The following MUSK variants were observed in gnomAD, a reference collection of about 807,000 sequenced individuals.
MUSK encodes muscle associated receptor tyrosine kinase.
MUSK carries 55 observed loss-of-function variants against 88.7 expected under a neutral mutation model. The observed-to-expected ratio is 0.62, with a 90% CI of 0.50 to 0.78. The LOEUF is 0.78. Ranked by LOEUF, MUSK falls within the 30% of genes least tolerant of loss-of-function variation. MUSK has a pLI of 0.00. For synonymous variants in MUSK, 387 were observed against 391.9 expected (o/e 0.99, Z 0.15); for missense variants, 1,015 against 1,074.3 (o/e 0.94, Z 0.77).
intron 6 of MUSK, among the ~76,000 whole-genome samples, chr9:110,742,282 C>T (rs1016528806): frequency 2.6e-5 from 4 of 151,918 alleles, no homozygotes; most frequent in East Asian, 1.9e-4. Flanking sequence ...GTGAAAACCT[C>T]GTATCTACTA....
intron 1 of MUSK, among the ~76,000 whole-genome samples, chr9:110,677,716 G>A (rs2076049577): frequency 6.6e-6 from 1 of 151,592 alleles, no homozygotes; most frequent in African/African-American, 2.4e-5. Flanking sequence ...GTATTGTGTA[G>A]TTTTTTTTTA....
chr9:110,709,825 A>G (rs1484071558), intron 5 of MUSK, among the ~76,000 whole-genome samples: 2 of 152,174 alleles, frequency 1.3e-5, no homozygotes, highest in Admixed American at 1.3e-4. Context: ...CCAAAGTCAT[A>G]TAGTTCAATT....
At chr9:110,692,853 G>GAA (rs140026732) in intron 3 of MUSK, among the ~76,000 whole-genome samples, 1 of 150,140 alleles carries the variant, frequency 6.7e-6, no homozygotes, top group Non-Finnish European at 1.5e-5. Flanking sequence ...ATTTCCTTCA[G>GAA]AAAAAAAAAA....
intron 5 of MUSK, among the ~76,000 whole-genome samples, chr9:110,706,703 T>C (rs1419022879): frequency 6.6e-6 from 1 of 152,120 alleles, no homozygotes; most frequent in East Asian, 1.9e-4. Context: ...TATGCCCCCT[T>C]TAAAACGCTA....
intron 7 of MUSK, among the ~76,000 whole-genome samples, chr9:110,753,062 ACAG>A (rs1222369009): frequency 1.3e-5 from 2 of 152,158 alleles, no homozygotes; most frequent in African/African-American, 4.8e-5. Flanking sequence ...AGAAAGCAAG[ACAG>A]CCTATGATAC....
At chr9:110,782,705 T>C (rs1362636470) in intron 11 of MUSK, among the ~76,000 whole-genome samples, 1 of 152,142 alleles carries the variant, frequency 6.6e-6, no homozygotes, top group African/African-American at 2.4e-5. Flanking sequence ...AGCCACCCCC[T>C]ACCACCACCA....
intron 1 of MUSK, among the ~76,000 whole-genome samples, chr9:110,681,093 AT>A (rs1564209822): frequency 1.0e-4 from 1 of 9,854 alleles, no homozygotes; most frequent in Admixed American, 9.0e-4. Flanking sequence ...TATAATATAT[AT>A]TATATAATAT....
intron 5 of MUSK, 52 bp from the exon 6 acceptor site, chr9:110,734,199 G>C: frequency 1.3e-6 from 2 of 1,565,156 alleles, no homozygotes; most frequent in Non-Finnish European, 1.7e-6. Flanking sequence ...GACCACCCTA[G>C]CTTGACCATT....
chr9:110,719,434 C>T (rs543042592), intron 5 of MUSK, among the ~76,000 whole-genome samples: 6 of 151,946 alleles, frequency 3.9e-5, no homozygotes, highest in African/African-American at 7.2e-5. Flanking sequence ...GAGCAGGAGT[C>T]GCTATTCTTA....
intron 7 of MUSK, among the ~76,000 whole-genome samples, chr9:110,759,107 C>G (rs879674943): frequency 3.9e-5 from 6 of 152,162 alleles, no homozygotes; most frequent in Non-Finnish European, 5.9e-5. Context: ...GTAACCAAAA[C>G]AGCATGGTAC....
intron 5 of MUSK, among the ~76,000 whole-genome samples, chr9:110,732,301 T>C (rs562908626): frequency 3.3e-5 from 5 of 152,010 alleles, no homozygotes; most frequent in Non-Finnish European, 7.4e-5. Flanking sequence ...AAGAGTTATT[T>C]TAGCCAGATG....
chr9:110,733,933 A>C (rs189983547), intron 5 of MUSK, among the ~76,000 whole-genome samples: 1 of 152,120 alleles, frequency 6.6e-6, no homozygotes, highest in African/African-American at 2.4e-5. Flanking sequence ...AGAAAATGTC[A>C]CTTAAACAGA....
At chr9:110,762,573 A>G (rs949395012) in intron 8 of MUSK, among the ~76,000 whole-genome samples, 7 of 151,686 alleles carry the variant, frequency 4.6e-5, no homozygotes, top group African/African-American at 1.7e-4. Context: ...GCAGAAAAAA[A>G]AAATAAAAAA....
chr9:110,688,516 A>G (rs1366564711), intron 3 of MUSK, among the ~76,000 whole-genome samples: 1 of 152,068 alleles, frequency 6.6e-6, no homozygotes, highest in Non-Finnish European at 1.5e-5. Context: ...GTTGTTTTAC[A>G]TAGGTAAACA....
intron 5 of MUSK, among the ~76,000 whole-genome samples, chr9:110,731,542 G>A (rs1298455191): frequency 6.6e-6 from 1 of 152,034 alleles, no homozygotes; most frequent in Non-Finnish European, 1.5e-5. Context: ...GAGAGTGCAG[G>A]AGAAAGCAGC....
chr9:110,701,387 T>G (rs1425804138), intron 5 of MUSK, among the ~76,000 whole-genome samples: 1 of 152,192 alleles, frequency 6.6e-6, no homozygotes, highest in African/African-American at 2.4e-5. Flanking sequence ...GATTTGAGAC[T>G]ATTGCAAAAG....
intron 6 of MUSK, among the ~76,000 whole-genome samples, chr9:110,744,551 G>A (rs1216929592): frequency 6.6e-6 from 1 of 152,160 alleles, no homozygotes; most frequent in East Asian, 1.9e-4. Context: ...CTATTTAATA[G>A]AGCTTCCTAT....
chr9:110,786,462 T>C (rs2132029860), intron 13 of MUSK, among the ~76,000 whole-genome samples: 1 of 152,210 alleles, frequency 6.6e-6, no homozygotes, highest in Middle Eastern at 3.4e-3. Flanking sequence ...GCACTTAAAA[T>C]AGGTAATTTA....
intron 5 of MUSK, among the ~76,000 whole-genome samples, chr9:110,728,498 G>A (rs2076918051): frequency 6.6e-6 from 1 of 152,020 alleles, no homozygotes. Flanking sequence ...TCATTTAACA[G>A]TTTGCTTTCA....
Sources: allele counts gnomAD v4.1 joint callset (sites outside exome capture counted in the v4.1 genomes callset), GRCh38; gene constraint gnomAD v4.1.1; transcripts MANE v1.5; gene names NCBI Gene and HGNC (gene_info 2026-07-23, HGNC 2026-07-21).